Variants in GK observed in about 807,000 individuals in gnomAD.
GK encodes the protein ATP:glycerol 3-phosphotransferase.
Under a neutral mutation model 56.4 loss-of-function variants are expected in GK, and 9 were observed. That is an observed-to-expected ratio of 0.16 (90% CI 0.10 to 0.28). The LOEUF is 0.28. Among genes scored for constraint, GK ranks in the 10% least tolerant of loss-of-function variants. The pLI is 1.00. For synonymous variants in GK, 104 were observed against 144.1 expected, an observed-to-expected ratio of 0.72 and a Z score of 1.99; for missense variants, 161 against 431.4, an observed-to-expected ratio of 0.37 and a Z score of 5.55.
At chrX:30,713,693 C>T (rs1041092464) in intron 13 of GK, among the ~76,000 whole-genome samples, 3 of 111,605 alleles carry the variant, frequency 2.7e-5, no homozygotes, top group Non-Finnish European at 3.8e-5. Context: ...TAAATTTGTC[C>T]CACCCTTTCT....
intron 4 of GK, among the ~76,000 whole-genome samples, chrX:30,680,948 G>T (rs1359136917): frequency 9.0e-6 from 1 of 111,726 alleles, no homozygotes; most frequent in Non-Finnish European, 1.9e-5. Flanking sequence ...AACACTAATT[G>T]GATTAAGATG....
chrX:30,656,075 G>GTGT (rs1198392806), intron 1 of GK, among the ~76,000 whole-genome samples: 1 of 112,231 alleles, frequency 8.9e-6, no homozygotes, highest in African/African-American at 3.2e-5. Flanking sequence ...TAGAGATCCT[G>GTGT]TGTGAAGTAG....
intron 13 of GK, among the ~76,000 whole-genome samples, chrX:30,718,127 A>G (rs1936720969): frequency 8.9e-6 from 1 of 112,171 alleles, no homozygotes; most frequent in Non-Finnish European, 1.9e-5. Flanking sequence ...TTGATTTACT[A>G]TACTGTTAGA....
At chrX:30,718,505 T>C (rs1300838569) in intron 13 of GK, 33 bp from the exon 14 acceptor site, 4 of 976,480 alleles carry the variant, frequency 4.1e-6, no homozygotes, top group Non-Finnish European at 2.9e-6. Context: ...AGTGATAAAA[T>C]ATATTCTGTC....
chrX:30,711,823 G>A (rs1352122550), intron 13 of GK, among the ~76,000 whole-genome samples: 4 of 111,225 alleles, frequency 3.6e-5, no homozygotes, highest in African/African-American at 1.3e-4. Context: ...TTCATAGAAC[G>A]CCGCCAATCC....
At chrX:30,680,597 C>T (rs1402308232) in intron 4 of GK, among the ~76,000 whole-genome samples, 2 of 111,927 alleles carry the variant, frequency 1.8e-5, no homozygotes, top group East Asian at 5.6e-4. Flanking sequence ...ACCAGAAAAG[C>T]TGGATGAAAA....
intron 19 of GK, among the ~76,000 whole-genome samples, chrX:30,725,641 A>G (rs1260772919): frequency 9.0e-6 from 1 of 111,260 alleles, no homozygotes; most frequent in Non-Finnish European, 1.9e-5. Context: ...CATGTTTAAA[A>G]TGACATTTTG....
chrX:30,683,787 G>A (rs762866239), intron 4 of GK, among the ~76,000 whole-genome samples: 2 of 112,149 alleles, frequency 1.8e-5, no homozygotes, highest in African/African-American at 6.5e-5. Flanking sequence ...GTGTTACTTT[G>A]CATCACTGCT....
intron 3 of GK, chrX:30,674,375 C>T (rs1933737460): frequency 3.0e-6 from 1 of 328,542 alleles, no homozygotes; most frequent in African/African-American, 2.7e-5. Flanking sequence ...TGTTGCTGTG[C>T]TTAATATCTG....
intron 9 of GK, among the ~76,000 whole-genome samples, chrX:30,699,247 TTATATATACATGTTATGTATAACA>T (rs1569161978): frequency 3.0e-5 from 3 of 99,161 alleles, no homozygotes; most frequent in South Asian, 4.6e-4. Context: ...GTATAACATG[TTATATATACATGTTATGTATAACA>T]TGTATATATA....
At chrX:30,671,314 A>C (rs1375376721) in intron 3 of GK, among the ~76,000 whole-genome samples, 1 of 106,579 alleles carries the variant, frequency 9.4e-6, no homozygotes, top group Non-Finnish European at 2.0e-5. Context: ...AAAAAAAAAA[A>C]ACAACACTGT....
intron 18 of GK, among the ~76,000 whole-genome samples, chrX:30,722,506 C>T (rs905637199): frequency 9.0e-6 from 1 of 111,674 alleles, no homozygotes; most frequent in African/African-American, 3.3e-5. Flanking sequence ...AAGGCCTTAG[C>T]CTGGGGTTGA....
chrX:30,702,053 T>A (rs1267270340), intron 11 of GK, among the ~76,000 whole-genome samples: 4 of 110,689 alleles, frequency 3.6e-5, no homozygotes, highest in Non-Finnish European at 7.6e-5. Flanking sequence ...ATTTATTTTT[T>A]TTTTTTGAGA....
chrX:30,701,358 G>A (rs1403281585), intron 11 of GK, among the ~76,000 whole-genome samples: 2 of 112,340 alleles, frequency 1.8e-5, no homozygotes, highest in Non-Finnish European at 3.8e-5. Context: ...GCGGTGAGCC[G>A]AGATCACGCC....
rs1935159679 is a variant in GK at position 30,694,751 on chromosome X, A to G, written c.552+214A>G. Among the ~76,000 whole-genome samples the G allele has an allele frequency of 3.6e-5, 4 of 111,740 alleles. No homozygotes were observed. The South Asian group carries it at 1.5e-3, about 42-fold the overall frequency. ...TTTTTCTTGTCTTACTTCAGTGAAA[A>G]TGAAGGATAATTACCAAAACTGTAT... On this transcript the variant is annotated intron_variant, in intron 6 of 20. Transcript: ENST00000427190.
chrX:30,697,614 A>G (rs1184273463), intron 8 of GK, 118 bp from the exon 9 acceptor site: 3 of 574,871 alleles, frequency 5.2e-6, no homozygotes, highest in Non-Finnish European at 9.2e-6. Context: ...AAAAGAAACG[A>G]TGCTTGAGAA....
chrX:30,702,826 T>G (rs991247257), intron 11 of GK, among the ~76,000 whole-genome samples: 3 of 112,796 alleles, frequency 2.7e-5, no homozygotes, highest in Non-Finnish European at 3.7e-5. Context: ...ATTTCTAGAT[T>G]AAACGTTCTT....
intron 9 of GK, 159 bp from the exon 10 acceptor site, chrX:30,700,255 G>A (rs1935575369): frequency 2.3e-6 from 1 of 433,183 alleles, no homozygotes; most frequent in African/African-American, 2.4e-5. Context: ...AATACTTGTA[G>A]TATCTGTCTC....
At chrX:30,702,456 C>T (rs1181195978) in intron 11 of GK, among the ~76,000 whole-genome samples, 1 of 112,957 alleles carries the variant, frequency 8.9e-6, no homozygotes, top group Non-Finnish European at 1.9e-5. Context: ...CAAGCTTAGC[C>T]AATGGCTATT....
Sources: allele counts gnomAD v4.1 joint callset (sites outside exome capture counted in the v4.1 genomes callset), GRCh38; gene constraint gnomAD v4.1.1; transcripts MANE v1.5; gene names NCBI Gene and HGNC (gene_info 2026-07-23, HGNC 2026-07-21).